ACER1: variants seen among roughly 807,000 people sequenced by gnomAD.
ACER1 encodes CTB-180A7.3.
ACER1 carries 28 observed loss-of-function variants against 24.9 expected under a neutral mutation model. The ratio of observed to expected loss-of-function variants is 1.13; its 90% CI spans 0.83 to 1.54. The LOEUF (loss-of-function observed/expected upper bound fraction) is 1.54, where lower values mean the gene tolerates loss of function less well. ACER1 is among the 40% of genes most tolerant of loss of function. The pLI is 0.00. For missense variants in ACER1, 352 were observed against 349.3 expected (o/e 1.01, Z -0.06); for synonymous variants, 132 against 131.4 (o/e 1.00, Z -0.03).
At chr19:6,359,983 G>C in the ACER1 span, among the ~76,000 whole-genome samples, 6 of 152,128 alleles carry the variant, frequency 3.9e-5, no homozygotes, top group Non-Finnish European at 7.4e-5. Flanking sequence ...CTTAGATAGT[G>C]ACATTGAACT....
At chr19:6,355,848 G>T in the ACER1 span, among the ~76,000 whole-genome samples, 1 of 148,636 alleles carries the variant, frequency 6.7e-6, no homozygotes. Context: ...GAGGGAGGTG[G>T]GGGGGTCAGC....
intron 1 of ACER1, among the ~76,000 whole-genome samples, chr19:6,328,148 T>C (rs977696854): frequency 2.0e-5 from 3 of 151,446 alleles, no homozygotes; most frequent in Admixed American, 2.0e-4. Flanking sequence ...GGTTTTCAGC[T>C]ACAGTGGCAT....
the ACER1 span, among the ~76,000 whole-genome samples, chr19:6,345,416 C>A: frequency 6.6e-6 from 1 of 152,082 alleles, no homozygotes; most frequent in Admixed American, 6.6e-5. Context: ...TTCACTATTT[C>A]TATTAGTATT....
chr19:6,323,249 T>C (rs972880531), intron 1 of ACER1, among the ~76,000 whole-genome samples: 8 of 151,970 alleles, frequency 5.3e-5, no homozygotes, highest in South Asian at 2.1e-4. Flanking sequence ...TGAAACCCCA[T>C]CTCTACTAAA....
intron 1 of ACER1, among the ~76,000 whole-genome samples, chr19:6,330,827 G>C (rs917550782): frequency 6.7e-6 from 1 of 149,780 alleles, no homozygotes; most frequent in African/African-American, 2.5e-5. Context: ...AAGAATCAGT[G>C]AGACCGTGAG....
intron 1 of ACER1, among the ~76,000 whole-genome samples, chr19:6,314,786 T>C (rs1410457124): frequency 6.6e-6 from 1 of 152,198 alleles, no homozygotes; most frequent in African/African-American, 2.4e-5. Flanking sequence ...GTTCATATGT[T>C]TATTGCAGCA....
intron 4 of ACER1, among the ~76,000 whole-genome samples, chr19:6,309,432 G>A (rs962779794): frequency 2.6e-5 from 4 of 151,726 alleles, no homozygotes; most frequent in African/African-American, 9.7e-5. Context: ...TGGAGTGGGA[G>A]GATTGCTTGA....
chr19:6,319,881 G>A (rs1453149516), intron 1 of ACER1, among the ~76,000 whole-genome samples: 1 of 152,062 alleles, frequency 6.6e-6, no homozygotes, highest in Non-Finnish European at 1.5e-5. Context: ...GAAGGCTGAG[G>A]TGGGCAGATC....
At chr19:6,307,957 T>C (rs2091560049) in intron 4 of ACER1, among the ~76,000 whole-genome samples, 1 of 151,028 alleles carries the variant, frequency 6.6e-6, no homozygotes, top group South Asian at 2.1e-4. Context: ...CCGGCCATGG[T>C]GGTGGCCGCC....
chr19:6,356,793 T>C, the ACER1 span, among the ~76,000 whole-genome samples: 1 of 151,722 alleles, frequency 6.6e-6, no homozygotes, highest in Non-Finnish European at 1.5e-5. Context: ...AGCTACTTGG[T>C]AGACTGAGGT....
At chr19:6,311,634 A>G (rs12608581) in intron 3 of ACER1, among the ~76,000 whole-genome samples, 37 of 137,842 alleles carry the variant, frequency 2.7e-4, no homozygotes, top group African/African-American at 5.7e-4. Context: ...GGAGGAGGAG[A>G]AGAAGAAGAA....
the ACER1 span, among the ~76,000 whole-genome samples, chr19:6,350,366 C>T: frequency 2.6e-5 from 4 of 151,836 alleles, no homozygotes; most frequent in African/African-American, 4.8e-5. Context: ...CAAACCTGCA[C>T]GTTGTGCACA....
chr19:6,341,845 G>C, the ACER1 span, among the ~76,000 whole-genome samples: 4 of 152,096 alleles, frequency 2.6e-5, no homozygotes, highest in South Asian at 2.1e-4. Flanking sequence ...TGGCCAGGCT[G>C]GTCTTGAACT....
intron 1 of ACER1, among the ~76,000 whole-genome samples, chr19:6,315,788 T>G (rs1165981787): frequency 2.6e-5 from 4 of 152,160 alleles, no homozygotes; most frequent in African/African-American, 4.8e-5. Flanking sequence ...CTGCTGGGAT[T>G]ACAGGCATGA....
the ACER1 span, among the ~76,000 whole-genome samples, chr19:6,345,565 CTTTT>C: frequency 1.5e-5 from 2 of 130,364 alleles, no homozygotes; most frequent in Non-Finnish European, 3.2e-5. Context: ...GTATTAGATT[CTTTT>C]TTTTTTTTTT....
intron 1 of ACER1, among the ~76,000 whole-genome samples, chr19:6,315,442 C>T (rs564258402): frequency 1.8e-4 from 28 of 152,052 alleles, no homozygotes; most frequent in Admixed American, 1.7e-3. Flanking sequence ...TACAGTGGCG[C>T]GATCTCGGCT....
At chr19:6,309,661 G>A in intron 4 of ACER1, 36 bp downstream of exon 4, 1 of 1,612,216 alleles carries the variant, frequency 6.2e-7, no homozygotes, top group Non-Finnish European at 8.5e-7. Context: ...AGGGGGATGG[G>A]AGCCTCCTGC....
the ACER1 span, among the ~76,000 whole-genome samples, chr19:6,358,024 AAGGAGTGG>A: frequency 6.6e-5 from 10 of 152,202 alleles, no homozygotes; most frequent in East Asian, 1.7e-3. Context: ...CGGAGGAGTG[AAGGAGTGG>A]AGGAGTGGAG....
intron 1 of ACER1, among the ~76,000 whole-genome samples, chr19:6,329,919 G>A (rs1030973880): frequency 1.3e-5 from 2 of 148,990 alleles, no homozygotes; most frequent in African/African-American, 5.0e-5. Context: ...CACCCAGGTT[G>A]GAGTGCAGTG....
Sources: allele counts gnomAD v4.1 joint callset (sites outside exome capture counted in the v4.1 genomes callset), GRCh38; gene constraint gnomAD v4.1.1; transcripts MANE v1.5; gene names NCBI Gene and HGNC (gene_info 2026-07-23, HGNC 2026-07-21).